OR3A1: variants seen among roughly 807,000 people sequenced by gnomAD.
OR3A1 encodes olfactory receptor family 3 subfamily A member 1, also known as olfactory receptor 3A1.
For synonymous variants in OR3A1, 145 were observed against 160.0 expected (o/e 0.91, Z 0.71); for missense variants, 402 against 393.8 (o/e 1.02, Z -0.18).
Position 3,291,978 on chromosome 17 carries a change from A to T in OR3A1, c.605T>A (p.Leu202His). Residue 202 changes from leucine (L) to histidine (H), a missense_variant, in exon 2 of 2, where the codon CTT becomes CAT. Coordinates refer to ENST00000323404, the MANE Select transcript of OR3A1 (RefSeq NM_002550.3). ...CSSTQLNELL[L>H]FAVGFIMAGT... The stretch of plus-strand genomic sequence containing the variant: ...TGCCATTATAAAACCCACAGCAAAA[A>T]GCAGCAGCTCATTGAGTTGGGTGCT... The T allele has an allele frequency of 3.7e-6, 6 of 1,614,228 alleles. No homozygotes were observed. Among genetic ancestry groups the T allele is most frequent in the Non-Finnish European group, 5.1e-6 (6 of 1,180,032 alleles).
chr17:3,295,603 A>G (rs2048912724), intron 1 of OR3A1, among the ~76,000 whole-genome samples: 1 of 152,144 alleles, frequency 6.6e-6, no homozygotes, highest in Admixed American at 6.6e-5. Context: ...ACTTACAATG[A>G]TAAAGCCGAG....
chr17:3,292,056 A>G lies in OR3A1; in HGVS notation c.527T>C (p.Val176Ala), dbSNP rs756585726. ...GAGGTCACAGTAGAAGTGATTGATC[A>G]CATTGGGGCCACAGAAGTTGAGCGT... ...MSTLNFCGPNVINHFYCDLPQ... is the reference protein window; with the variant it reads ...MSTLNFCGPNAINHFYCDLPQ... Residue 176 changes from valine (V) to alanine (A), a missense_variant, in exon 2 of 2, where the codon GTG (valine) becomes GCG (alanine). Transcript: ENST00000323404. 1 of 1,614,230 alleles carries G rather than the reference A, an allele frequency of 6.2e-7. No homozygotes were observed. Among genetic ancestry groups the G allele is most frequent in the South Asian group, 1.1e-5 (1 of 91,088 alleles).
intron 1 of OR3A1, among the ~76,000 whole-genome samples, chr17:3,293,537 A>T (rs1469862419): frequency 6.6e-6 from 1 of 152,218 alleles, no homozygotes. Flanking sequence ...GCAAAAACTC[A>T]TGTCATTTAA....
intron 1 of OR3A1, among the ~76,000 whole-genome samples, chr17:3,297,600 T>G (rs973207743): frequency 3.3e-5 from 5 of 151,796 alleles, no homozygotes; most frequent in Admixed American, 3.3e-4. Flanking sequence ...TCTGTTAACC[T>G]CTCACACGGA....
intron 1 of OR3A1, 43 bp from the exon 2 acceptor site, chr17:3,292,631 A>G: frequency 7.0e-7 from 1 of 1,433,924 alleles, no homozygotes; most frequent in African/African-American, 1.4e-5. Context: ...ACTCCTCCCA[A>G]TAATTTATTT....
At position 3,292,598 on chromosome 17, in the gene OR3A1, AACATCC is replaced by A; in HGVS notation, c.-6-16_-6-11del. ...CTGGCTGCATGAGTTCCTGCAAAGA[AACATCC>A]AGGGAGGAAAAGAATCACTCCTCCC... On this transcript the variant is annotated splice_polypyrimidine_tract_variant and intron_variant, in intron 1 of 1. Transcript: ENST00000323404. 1 of 1,575,906 alleles carries A rather than the reference AACATCC, an allele frequency of 6.3e-7. No homozygotes were observed. The highest frequency in any genetic ancestry group is 8.7e-7 in the Non-Finnish European group (1 of 1,155,902).
chr17:3,293,753 A>T (rs968681966), intron 1 of OR3A1, among the ~76,000 whole-genome samples: 3 of 152,220 alleles, frequency 2.0e-5, no homozygotes, highest in African/African-American at 7.2e-5. Flanking sequence ...TGGTACATAT[A>T]CACCACGGAA....
In OR3A1 at chr17:3,292,305, C is replaced by T. The variant is rs61736316; in HGVS notation, c.278G>A (p.Arg93His). Residue 93 changes from arginine (R) to histidine (H), a missense_variant, in exon 2 of 2, where the codon CGT (arginine) becomes CAT (histidine). Physicochemically the swap from Arg to His is conservative, Grantham distance 29. Transcript: ENST00000323404. ...AAGGCAGGCCCCACAGGGAACTGCACGCTTGCGGGACAGGAGACGACTCAA... is the reference window on the plus strand; with the variant it reads ...AAGGCAGGCCCCACAGGGAACTGCATGCTTGCGGGACAGGAGACGACTCAA... ...SMLSRLLSRK[R>H]AVPCGACLTQ... 1,792 of 1,614,054 alleles carry T rather than the reference C, an allele frequency of 1.1e-3. 7 individuals carry two copies. Among genetic ancestry groups the T allele is most frequent in the Non-Finnish European group, 1.2e-3 (1,468 of 1,180,006 alleles).
At chr17:3,296,942 G>A (rs942132645) in intron 1 of OR3A1, among the ~76,000 whole-genome samples, 2 of 152,182 alleles carry the variant, frequency 1.3e-5, no homozygotes, top group African/African-American at 2.4e-5. Context: ...TTCAAATTAC[G>A]TTTATGGAAG....
chr17:3,292,982 G>A (rs1183300683), intron 1 of OR3A1, among the ~76,000 whole-genome samples: 1 of 151,892 alleles, frequency 6.6e-6, no homozygotes, highest in Non-Finnish European at 1.5e-5. Context: ...AAAACAAGCA[G>A]AAAAATAAAC....
Position 3,291,597 on chromosome 17 carries a change from G to C in OR3A1, c.*38C>G. On this transcript the variant is annotated 3_prime_UTR_variant, in exon 2 of 2. Coordinates refer to ENST00000323404, the MANE Select transcript of OR3A1 (RefSeq NM_002550.3). ...CTGGCTCTAGAAGACTTTTCCTTTA[G>C]TACAAGACACAGGGAGAAAGGGTCA... is the stretch of plus-strand genomic sequence containing the variant. 1 of 1,503,698 alleles carries C rather than the reference G, an allele frequency of 6.7e-7. No individual in the cohort carries two copies. The highest frequency in any genetic ancestry group is 9.0e-7 in the Non-Finnish European group (1 of 1,112,082). 93.1% of individuals were successfully genotyped at this position (1,503,698 alleles called of 1,614,324 possible).
chr17:3,294,611 C>T (rs951569419), intron 1 of OR3A1, among the ~76,000 whole-genome samples: 40 of 152,200 alleles, frequency 2.6e-4, no homozygotes, highest in African/African-American at 7.9e-4. Flanking sequence ...TCATACAGAA[C>T]GCCAGCATTG....
chr17:3,291,457 C>G lies in OR3A1; in HGVS notation c.*178G>C, dbSNP rs565422099. The G allele has an allele frequency of 3.6e-6, 2 of 561,378 alleles. No individual in the cohort carries two copies. The highest frequency in any genetic ancestry group is 6.2e-6 in the Non-Finnish European group (2 of 321,644). 34.8% of individuals were successfully genotyped at this position (561,378 alleles called of 1,614,324 possible). A position where few individuals can be genotyped will look rare whatever the true frequency, so the allele number is the denominator to read the frequency against. On this transcript the variant is annotated 3_prime_UTR_variant, in exon 2 of 2. Coordinates refer to ENST00000323404, the MANE Select transcript of OR3A1 (RefSeq NM_002550.3). ...GCTGGCTTGGCAGATCCTATACACT[C>G]ATTGCTTATAATTGGACAGGGCTGC...
At chr17:3,295,520 T>TA (rs2048912034) in intron 1 of OR3A1, among the ~76,000 whole-genome samples, 1 of 152,102 alleles carries the variant, frequency 6.6e-6, no homozygotes, top group Non-Finnish European at 1.5e-5. Context: ...ATGTAGCCCT[T>TA]ACAGTGAAAG....
chr17:3,297,824 T>C (rs73977644), intron 1 of OR3A1, among the ~76,000 whole-genome samples: 2,026 of 152,194 alleles, frequency 0.013, 52 homozygotes, highest in African/African-American at 0.045. Context: ...CTGTAGGAGT[T>C]GGGAAAGGCT....
Position 3,291,739 on chromosome 17 carries a change from T to A in OR3A1, c.844A>T (p.Thr282Ser), listed in dbSNP as rs553536558. Residue 282 changes from threonine (T) to serine (S), a missense_variant, in exon 2 of 2, where the codon ACT becomes TCT. Transcript: ENST00000323404. Reference protein sequence around the residue: ...DKDKAVGIFNTVINPMLNPII... With the variant: ...DKDKAVGIFNSVINPMLNPII... Reference sequence around the variant, plus strand: ...GGGTTCAGCATGGGATTGATGACAGTGTTGAAAATTCCAACAGCTTTATCC... The same window carrying A: ...GGGTTCAGCATGGGATTGATGACAGAGTTGAAAATTCCAACAGCTTTATCC... 1.2e-6 allele frequency: 2 copies of A among 1,613,682 alleles called. No individual in the cohort carries two copies. Among genetic ancestry groups the A allele is most frequent in the African/African-American group, 2.7e-5 (2 of 74,924 alleles).
intron 1 of OR3A1, 55 bp from the exon 2 acceptor site, chr17:3,292,643 C>G: frequency 7.1e-7 from 1 of 1,418,040 alleles, no homozygotes; most frequent in East Asian, 2.3e-5. Flanking sequence ...AATTTATTTA[C>G]TCAAGAAAAA....
At chr17:3,297,697 T>C (rs1376268698) in intron 1 of OR3A1, among the ~76,000 whole-genome samples, 1 of 147,880 alleles carries the variant, frequency 6.8e-6, no homozygotes, top group Non-Finnish European at 1.5e-5. Context: ...CTTAATGCCT[T>C]GTGTCACACT....
At position 3,291,980 on chromosome 17, in the gene OR3A1, C is replaced by A; in HGVS notation, c.603G>T (p.Leu201=). The change falls in exon 2 of 2, where the codon CTG becomes CTT. Residue 201 remains leucine, a synonymous_variant. Transcript: ENST00000323404. ...CCATTATAAAACCCACAGCAAAAAG[C>A]AGCAGCTCATTGAGTTGGGTGCTGG... ...SCSSTQLNEL[L]LFAVGFIMAG... is the part of the protein sequence containing the mutation. The A allele has an allele frequency of 1.9e-6, 3 of 1,614,222 alleles. No homozygotes were observed. Among genetic ancestry groups the A allele is most frequent in the Non-Finnish European group, 2.5e-6 (3 of 1,180,038 alleles).
Sources: gnomAD v4.1 joint callset for allele counts (sites outside exome capture counted in the v4.1 genomes callset) on GRCh38, gnomAD v4.1.1 for gene constraint, MANE v1.5 for transcripts, NCBI Gene and HGNC (gene_info 2026-07-23, HGNC 2026-07-21) for gene names.